Variants in RNLS observed in about 807,000 individuals in gnomAD.
RNLS encodes renalase, FAD dependent amine oxidase, also known as renalase.
A neutral mutation model predicts 39.8 loss-of-function variants in RNLS; 39 were observed. The observed-to-expected ratio is 0.98, with a 90% CI of 0.76 to 1.28. The LOEUF is 1.28. Ranked by LOEUF, RNLS falls within the 50% of genes most tolerant of loss-of-function variation. The probability of loss-of-function intolerance (pLI) is 0.00; values close to 1 mark genes in which losing one functional copy is unlikely to be tolerated. For synonymous variants in RNLS, 147 were observed against 150.7 expected (o/e 0.98, Z 0.18); for missense variants, 410 against 413.3 (o/e 0.99, Z 0.07).
At chr10:88,218,004 C>T in the RNLS span, among the ~76,000 whole-genome samples, 1 of 152,138 alleles carries the variant, frequency 6.6e-6, no homozygotes, top group Admixed American at 6.5e-5. Flanking sequence ...CACGCCATTG[C>T]ACTCCAGCCT....
intron 4 of RNLS, among the ~76,000 whole-genome samples, chr10:88,417,875 A>C (rs757979955): frequency 3.3e-5 from 5 of 152,194 alleles, no homozygotes; most frequent in Non-Finnish European, 5.9e-5. Context: ...TAAGATGCAG[A>C]TACGAATACT....
At chr10:88,301,179 T>C (rs1365360435) in intron 6 of RNLS, among the ~76,000 whole-genome samples, 1 of 152,236 alleles carries the variant, frequency 6.6e-6, no homozygotes, top group Non-Finnish European at 1.5e-5. Context: ...TGTTAAAACA[T>C]TTAATAGTTT....
intron 4 of RNLS, among the ~76,000 whole-genome samples, chr10:88,490,447 G>A (rs982425052): frequency 2.0e-5 from 3 of 152,124 alleles, no homozygotes; most frequent in Admixed American, 6.6e-5. Flanking sequence ...CCAGAATTCT[G>A]ATAATAAATT....
chr10:88,177,510 A>G, the RNLS span, among the ~76,000 whole-genome samples: 5 of 152,082 alleles, frequency 3.3e-5, no homozygotes, highest in Admixed American at 6.5e-5. Flanking sequence ...TGAACTGTCT[A>G]TTTGTTTTCC....
chr10:88,534,841 T>C (rs1461115952), intron 4 of RNLS, among the ~76,000 whole-genome samples: 1 of 152,004 alleles, frequency 6.6e-6, no homozygotes, highest in East Asian at 1.9e-4. Flanking sequence ...GAGGGAGACA[T>C]TTACATGGAC....
At chr10:88,338,858 C>T (rs906486636) in intron 5 of RNLS, among the ~76,000 whole-genome samples, 6 of 148,998 alleles carry the variant, frequency 4.0e-5, no homozygotes, top group African/African-American at 1.5e-4. Flanking sequence ...GCCTCCCGGG[C>T]TCACGCCGTT....
At chr10:88,457,036 C>T (rs924914307) in intron 4 of RNLS, among the ~76,000 whole-genome samples, 23 of 152,298 alleles carry the variant, frequency 1.5e-4, no homozygotes, top group African/African-American at 5.1e-4. Context: ...CCTCCACCCA[C>T]ATTTTTTAAA....
Position 88,558,853 on chromosome 10 carries a change from G to GT in RNLS, c.526+14049dup, listed in dbSNP as rs775740771. Among the ~76,000 whole-genome samples, 7 of 152,240 alleles carry GT rather than the reference G, an allele frequency of 4.6e-5. No individual in the cohort carries two copies. In the East Asian group the frequency reaches 9.6e-4, roughly 21 times the overall value. On this transcript the variant is annotated intron_variant, in intron 4 of 6. Coordinates refer to ENST00000331772, the MANE Select transcript of RNLS (RefSeq NM_001031709.3). Reference sequence around the variant, plus strand: ...CATTAAAAATGTAAGGCTAATAACTGTTTTTTCTAAAATTAAGATCCCAGT... The same window carrying GT: ...CATTAAAAATGTAAGGCTAATAACTGTTTTTTTCTAAAATTAAGATCCCAGT...
At chr10:88,446,220 T>A (rs1842026452) in intron 4 of RNLS, among the ~76,000 whole-genome samples, 1 of 152,130 alleles carries the variant, frequency 6.6e-6, no homozygotes, top group South Asian at 2.1e-4. Flanking sequence ...GACTACTGGC[T>A]ACATAACAAA....
At chr10:88,470,629 T>A (rs1564825687) in intron 4 of RNLS, among the ~76,000 whole-genome samples, 1 of 151,460 alleles carries the variant, frequency 6.6e-6, no homozygotes. Context: ...TTTTTTTTTT[T>A]TTTTGAGACA....
At chr10:88,307,692 T>C in intron 6 of RNLS, among the ~76,000 whole-genome samples, 1 of 152,086 alleles carries the variant, frequency 6.6e-6, no homozygotes, top group Middle Eastern at 3.2e-3. Context: ...CACAAACAAA[T>C]GGAAAAGCAT....
intron 4 of RNLS, among the ~76,000 whole-genome samples, chr10:88,412,195 C>T (rs1229186516): frequency 4.0e-5 from 6 of 151,828 alleles, no homozygotes; most frequent in Non-Finnish European, 7.4e-5. Context: ...GAGAGGAGGG[C>T]CTCAAGTTAT....
chr10:88,569,153 A>G (rs1334367518), intron 4 of RNLS, among the ~76,000 whole-genome samples: 1 of 152,184 alleles, frequency 6.6e-6, no homozygotes, highest in East Asian at 1.9e-4. Flanking sequence ...GGGAATAGCT[A>G]TTACCAAGCA....
At chr10:88,274,721 C>G (rs974803163) in exon 7 of RNLS, 44 of 395,030 alleles carry the variant, frequency 1.1e-4, no homozygotes, top group African/African-American at 9.0e-4. Context: ...TGTGGAACTG[C>G]AGATCATACA....
At chr10:88,511,929 A>G (rs956366204) in intron 4 of RNLS, among the ~76,000 whole-genome samples, 1 of 152,210 alleles carries the variant, frequency 6.6e-6, no homozygotes, top group Non-Finnish European at 1.5e-5. Flanking sequence ...ATAATATCCC[A>G]TAATATAAAT....
intron 4 of RNLS, among the ~76,000 whole-genome samples, chr10:88,435,243 G>A (rs961172603): frequency 5.9e-5 from 9 of 151,998 alleles, no homozygotes; most frequent in African/African-American, 2.2e-4. Context: ...TATAACTGGA[G>A]ACCTTTAGGA....
At chr10:88,418,941 A>G (rs569966862) in intron 4 of RNLS, among the ~76,000 whole-genome samples, 1 of 152,140 alleles carries the variant, frequency 6.6e-6, no homozygotes, top group Non-Finnish European at 1.5e-5. Flanking sequence ...CCTAAAAAGC[A>G]ATTTTCTTAA....
At chr10:88,348,488 G>T (rs1473499472) in intron 5 of RNLS, among the ~76,000 whole-genome samples, 2 of 152,148 alleles carry the variant, frequency 1.3e-5, no homozygotes, top group East Asian at 3.9e-4. Context: ...AGAACATGAG[G>T]TGTAATGTTG....
At chr10:88,377,410 CATT>C (rs1222247211) in intron 4 of RNLS, among the ~76,000 whole-genome samples, 2 of 152,076 alleles carry the variant, frequency 1.3e-5, no homozygotes, top group Non-Finnish European at 2.9e-5. Context: ...AGAAATTCAT[CATT>C]AGGTGATTTT....
Sources: gnomAD v4.1 joint callset for allele counts (sites outside exome capture counted in the v4.1 genomes callset) on GRCh38, gnomAD v4.1.1 for gene constraint, MANE v1.5 for transcripts, NCBI Gene and HGNC (gene_info 2026-07-23, HGNC 2026-07-21) for gene names.